The following HIPK1 variants were observed in gnomAD, a reference collection of about 807,000 sequenced individuals.
HIPK1 encodes homeodomain interacting protein kinase 1.
A neutral mutation model predicts 117.1 loss-of-function variants in HIPK1; 28 were observed. The ratio of observed to expected loss-of-function variants is 0.24; its 90% CI spans 0.18 to 0.33. The LOEUF (loss-of-function observed/expected upper bound fraction) is 0.33. Among genes scored for constraint, HIPK1 ranks in the 10% least tolerant of loss-of-function variants. HIPK1 has a pLI of 1.00. For missense variants in HIPK1, 1,122 were observed against 1,475.1 expected (o/e 0.76, Z 3.92); for synonymous variants, 605 against 562.5 (o/e 1.08, Z -1.07).
chr1:113,977,529 G>C lies in HIPK1; in HGVS notation c.*4017G>C, dbSNP rs1227750945. 1 of 152,674 alleles carries C rather than the reference G, an allele frequency of 6.5e-6. No individual in the cohort carries two copies. The highest frequency in any genetic ancestry group is 1.5e-5 in the Non-Finnish European group (1 of 68,018). The allele number at this position is 152,674 out of a possible 1,614,324, so 9.5% of individuals were successfully genotyped here. On this transcript the variant is annotated 3_prime_UTR_variant, in exon 16 of 16. Coordinates refer to ENST00000426820, the MANE Select transcript of HIPK1 (RefSeq NM_198268.3). Reference sequence around the variant, plus strand: ...CGCTTTCTTTTACAACAAGCCTCTAGAAACAGATAGTTTCTGAGAATTACT... The same window carrying C: ...CGCTTTCTTTTACAACAAGCCTCTACAAACAGATAGTTTCTGAGAATTACT...
At position 113,968,645 on chromosome 1, in the gene HIPK1, G is replaced by A; in HGVS notation, c.2768G>A (p.Ser923Asn). The stretch of plus-strand genomic sequence containing the variant: ...GAAGAGGACAACAAATACAAGCCCA[G>A]TAGGTAAGATAAGTGAATGGTTCCT... ...DEEEDNKYKP[S>N]SSGLKPRSNV... The change falls in exon 13 of 16, where the codon AGT becomes AAT. Residue 923 changes from serine (S) to asparagine (N), a missense_variant. By Grantham distance (46) the Ser-to-Asn change is conservative. Transcript: ENST00000426820. The A allele has an allele frequency of 6.2e-7, 1 of 1,611,608 alleles. No individual in the cohort carries two copies. The highest frequency in any genetic ancestry group is 1.7e-4 in the Middle Eastern group (1 of 6,056).
intron 1 of HIPK1, among the ~76,000 whole-genome samples, chr1:113,938,585 A>G (rs562185097): frequency 3.9e-5 from 6 of 152,164 alleles, no homozygotes; most frequent in Admixed American, 2.6e-4. Context: ...AATGGTGCCA[A>G]TAAGGGTAGG....
At chr1:113,954,861 T>C in intron 4 of HIPK1, 91 bp downstream of exon 4, 1 of 1,203,010 alleles carries the variant, frequency 8.3e-7, no homozygotes, top group East Asian at 2.3e-5. Flanking sequence ...ATTCTTCAGG[T>C]AGAGAAGGGA....
chr1:113,961,617 T>A (rs532344458), intron 8 of HIPK1, among the ~76,000 whole-genome samples: 79 of 152,292 alleles, frequency 5.2e-4, no homozygotes, highest in African/African-American at 1.8e-3. Context: ...AGATTAGAAT[T>A]TTAAAAACAA....
At chr1:113,957,659 G>C (rs1671813990) in intron 7 of HIPK1, among the ~76,000 whole-genome samples, 1 of 152,126 alleles carries the variant, frequency 6.6e-6, no homozygotes, top group Non-Finnish European at 1.5e-5. Context: ...AACTTTAAGG[G>C]TGGTTTTGCA....
intron 10 of HIPK1, 24 bp from the exon 11 acceptor site, chr1:113,966,105 GT>G: frequency 1.2e-6 from 2 of 1,602,796 alleles, no homozygotes; most frequent in Non-Finnish European, 1.7e-6. Context: ...AAGTCTGGAT[GT>G]TTTTTATGTG....
chr1:113,942,460 A>G (rs1391920429), intron 2 of HIPK1, among the ~76,000 whole-genome samples: 2 of 152,246 alleles, frequency 1.3e-5, no homozygotes, highest in Non-Finnish European at 2.9e-5. Flanking sequence ...CTTGGCAGGT[A>G]AAATAACGTG....
chr1:113,945,485 T>C (rs1230282921), intron 2 of HIPK1, among the ~76,000 whole-genome samples: 6 of 152,340 alleles, frequency 3.9e-5, no homozygotes, highest in African/African-American at 1.4e-4. Context: ...ATTTTGGTCT[T>C]TGATTCTTTG....
Position 113,940,892 on chromosome 1 carries a change from G to A in HIPK1, c.509G>A (p.Ser170Asn). ...GTGACCACAAAGAGTAGCAGTTCCA[G>A]CGGAGAAGGGGATTACCAGCTGGTC... ...TTVTTKSSSSSGEGDYQLVQH... is the reference protein window; with the variant it reads ...TTVTTKSSSSNGEGDYQLVQH... Residue 170 changes from serine (S) to asparagine (N), a missense_variant, in exon 2 of 16, where the codon AGC (serine) becomes AAC (asparagine). Ser to Asn is a conservative substitution (Grantham distance 46). Around this residue, in one of 6 missense-constraint regions of HIPK1, gnomAD observed 192 missense variants for 234.0 expected, o/e 0.82. Coordinates refer to ENST00000426820, the MANE Select transcript of HIPK1 (RefSeq NM_198268.3). The A allele has an allele frequency of 6.2e-7, 1 of 1,614,158 alleles. No homozygotes were observed. The highest frequency in any genetic ancestry group is 8.5e-7 in the Non-Finnish European group (1 of 1,180,036).
chr1:113,929,629 C>G, intron 1 of HIPK1, 97 bp downstream of exon 1: 2 of 1,077,758 alleles, frequency 1.9e-6, no homozygotes, highest in Non-Finnish European at 2.5e-6. Context: ...TCGGGTCTGG[C>G]GACAACGGCG....
intron 1 of HIPK1, among the ~76,000 whole-genome samples, chr1:113,934,603 C>T (rs537209162): frequency 9.9e-5 from 15 of 152,036 alleles, no homozygotes; most frequent in African/African-American, 3.6e-4. Flanking sequence ...AATGTAAAGA[C>T]TTCATTTATT....
chr1:113,929,681 A>T (rs914281229), intron 1 of HIPK1, 149 bp downstream of exon 1: 7 of 864,414 alleles, frequency 8.1e-6, no homozygotes, highest in African/African-American at 1.9e-5. Context: ...GGACGGCAGC[A>T]GGAGGCCGAG....
At chr1:113,944,158 G>GTTTTTTTTTTTTTT (rs1474594102) in intron 2 of HIPK1, among the ~76,000 whole-genome samples, 1 of 84,578 alleles carries the variant, frequency 1.2e-5, no homozygotes, top group African/African-American at 5.7e-5. Flanking sequence ...AATAGCCATG[G>GTTTTTTTTTTTTTT]GTTTTTTTTT....
In HIPK1 at chr1:113,938,929, T is replaced by TACACACACACACAC. The variant is rs55979020; in HGVS notation, c.-2-1432_-2-1419dup. 8.9e-3 allele frequency among the ~76,000 whole-genome samples: 1,031 copies of TACACACACACACAC among 115,450 alleles called. 12 individuals are homozygous for TACACACACACACAC. Among genetic ancestry groups the TACACACACACACAC allele is most frequent in the African/African-American group, 9.6e-3 (280 of 29,102 alleles). 75.7% of individuals were successfully genotyped at this position (115,450 alleles called of 152,430 possible). The stretch of plus-strand genomic sequence containing the variant: ...TGTCTCAAAAAAAAAAAAAAAAAAA[T>TACACACACACACAC]ACACACACACACACACACACACACA... On this transcript the variant is annotated intron_variant, in intron 1 of 15. Transcript: ENST00000426820.
In HIPK1 at chr1:113,954,631, T is replaced by TG. The variant is rs1671592891; in HGVS notation, c.1201-19dup. On this transcript the variant is annotated intron_variant, in intron 3 of 15. Transcript: ENST00000426820. ...TCCCTTTTCACTCCAAATAGTTGTT[T>TG]GATGGTTTTGATGTTTCAGATTCGT... 6.2e-7 allele frequency: 1 copy of TG among 1,613,112 alleles called. No homozygotes were observed. Among genetic ancestry groups the TG allele is most frequent in the Admixed American group, 1.7e-5 (1 of 59,926 alleles).
At chr1:113,964,882 T>C (rs1235135596) in intron 10 of HIPK1, among the ~76,000 whole-genome samples, 1 of 152,248 alleles carries the variant, frequency 6.6e-6, no homozygotes, top group Non-Finnish European at 1.5e-5. Context: ...GTTCTTCCTC[T>C]GTCAAAACAG....
At chr1:113,943,854 GCTCAT>G (rs1346813783) in intron 2 of HIPK1, among the ~76,000 whole-genome samples, 1 of 152,006 alleles carries the variant, frequency 6.6e-6, no homozygotes, top group African/African-American at 2.4e-5. Context: ...TGCCTCTATT[GCTCAT>G]GCTGGAGTAC....
Position 113,929,810 on chromosome 1 carries a change from G to GCGGGGGC in HIPK1, c.-3+284_-3+290dup, listed in dbSNP as rs1669720665. The GCGGGGGC allele has an allele frequency of 1.1e-5, 11 of 983,582 alleles. No individual in the cohort carries two copies. The South Asian group carries it at 1.4e-4, about 12-fold the overall frequency. 60.9% of individuals were successfully genotyped at this position (983,582 alleles called of 1,614,324 possible). On this transcript the variant is annotated intron_variant, in intron 1 of 15. Coordinates refer to ENST00000426820, the MANE Select transcript of HIPK1 (RefSeq NM_198268.3). ...ACGGGCGCGGGGACGGCTCCGGGGGGCGGGGGCCGGGGCCCGGGCCGGCTC... is the reference window on the plus strand; with the variant it reads ...ACGGGCGCGGGGACGGCTCCGGGGGGCGGGGGCCGGGGGCCGGGGCCCGGGCCGGCTC...
intron 1 of HIPK1, 100 bp from the exon 2 acceptor site, chr1:113,940,282 C>T: frequency 2.7e-6 from 3 of 1,109,248 alleles, no homozygotes; most frequent in Non-Finnish European, 3.9e-6. Flanking sequence ...CATCATGTTT[C>T]TTTTATCAAG....
Sources: allele counts gnomAD v4.1 joint callset (sites outside exome capture counted in the v4.1 genomes callset), GRCh38; gene constraint gnomAD v4.1.1; regional missense constraint gnomAD v4.1.1; transcripts MANE v1.5; gene names NCBI Gene and HGNC (gene_info 2026-07-23, HGNC 2026-07-21).